MEGF11: variants seen among roughly 807,000 people sequenced by gnomAD.
MEGF11 encodes the protein multiple epidermal growth factor-like domains protein 11.
MEGF11 carries 126 observed loss-of-function variants against 146.6 expected under a neutral mutation model. That is an observed-to-expected ratio of 0.86 (90% confidence interval 0.74 to 1.00). MEGF11 has a LOEUF of 1.00. MEGF11 is among the 50% of genes least tolerant of loss of function. The pLI is 0.00. For missense variants in MEGF11, 1,509 were observed against 1,521.2 expected, an observed-to-expected ratio of 0.99 and a Z score of 0.13; for synonymous variants, 532 against 583.4, an observed-to-expected ratio of 0.91 and a Z score of 1.27.
intron 24 of MEGF11, chr15:65,905,466 A>C (rs114395532): frequency 6.6e-6 from 1 of 152,138 alleles, no homozygotes; most frequent in Non-Finnish European, 1.5e-5. Flanking sequence ...AAAGCCCCCT[A>C]TTTCACACAT....
chr15:66,124,607 G>A lies in MEGF11; in HGVS notation c.99-607C>T, dbSNP rs571775397. Among the ~76,000 whole-genome samples, 6 of 152,252 alleles carry A rather than the reference G, an allele frequency of 3.9e-5. No individual in the cohort carries two copies. In the South Asian group the frequency reaches 1.2e-3, roughly 32 times the overall value. On this transcript the variant is annotated intron_variant, in intron 2 of 25. Coordinates refer to ENST00000395614, the MANE Select transcript of MEGF11 (RefSeq NM_001385028.1). ...TACAGACCAGGAAACTGAGCATCAG[G>A]GGGCATAAGTGGCTTCCACAAGCTC... is the stretch of plus-strand genomic sequence containing the variant.
Position 66,038,111 on chromosome 15 carries a change from C to T in MEGF11, c.395-55623G>A, listed in dbSNP as rs184888205. Among the ~76,000 whole-genome samples, 451 of 152,274 alleles carry T rather than the reference C, an allele frequency of 3.0e-3. 3 individuals are homozygous for T. The highest frequency in any genetic ancestry group is 0.01 in the African/African-American group (435 of 41,538). ...GCAGAAAAGGAGACAAGCCCAGAAC[C>T]AGGGAGAGCAAAGAGAAGAGTAATT... On this transcript the variant is annotated intron_variant, in intron 5 of 25. Coordinates refer to ENST00000395614, the MANE Select transcript of MEGF11 (RefSeq NM_001385028.1).
chr15:66,241,837 A>G (rs2092216629), intron 1 of MEGF11, among the ~76,000 whole-genome samples: 1 of 151,538 alleles, frequency 6.6e-6, no homozygotes, highest in African/African-American at 2.4e-5. Flanking sequence ...AAGCACAAAG[A>G]CATATACAGA....
chr15:66,165,798 C>T (rs2090081941), intron 1 of MEGF11, among the ~76,000 whole-genome samples: 1 of 152,206 alleles, frequency 6.6e-6, no homozygotes, highest in African/African-American at 2.4e-5. Context: ...GGCAGGGTCT[C>T]CCTCCGTCCC....
At chr15:66,054,201 T>C (rs924657543) in intron 5 of MEGF11, among the ~76,000 whole-genome samples, 1 of 152,186 alleles carries the variant, frequency 6.6e-6, no homozygotes, top group Non-Finnish European at 1.5e-5. Context: ...CCTGGTTGCG[T>C]TGATGCAGCA....
chr15:66,011,489 A>G (rs1851706073), intron 5 of MEGF11, among the ~76,000 whole-genome samples: 3 of 152,160 alleles, frequency 2.0e-5, no homozygotes, highest in African/African-American at 2.4e-5. Flanking sequence ...CAGAGGCAGA[A>G]CAACCTCGGA....
chr15:66,205,756 T>G (rs2091284021), intron 1 of MEGF11, among the ~76,000 whole-genome samples: 1 of 152,184 alleles, frequency 6.6e-6, no homozygotes. Context: ...GAATCTAGAT[T>G]TCTACATCTA....
At chr15:65,983,257 G>A (rs2081726348) in intron 5 of MEGF11, among the ~76,000 whole-genome samples, 1 of 152,140 alleles carries the variant, frequency 6.6e-6, no homozygotes, top group Non-Finnish European at 1.5e-5. Flanking sequence ...CAGCCTTCAA[G>A]ATCTTTACAT....
chr15:66,179,453 C>A (rs1429808316), intron 1 of MEGF11, among the ~76,000 whole-genome samples: 1 of 152,140 alleles, frequency 6.6e-6, no homozygotes, highest in African/African-American at 2.4e-5. Context: ...GATTCTGGAA[C>A]TTCTACCACA....
intron 11 of MEGF11, 108 bp downstream of exon 11, chr15:65,930,715 G>T: frequency 2.9e-6 from 4 of 1,370,754 alleles, no homozygotes; most frequent in Admixed American, 5.0e-5. Flanking sequence ...GACCTTGCAT[G>T]TGGGGGCGGG....
At chr15:65,924,447 A>G (rs183781120) in intron 13 of MEGF11, among the ~76,000 whole-genome samples, 285 of 151,734 alleles carry the variant, frequency 1.9e-3, no homozygotes, top group African/African-American at 6.5e-3. Flanking sequence ...TTACCCATTG[A>G]CAGGGGTCTC....
intron 5 of MEGF11, among the ~76,000 whole-genome samples, chr15:66,057,600 C>G (rs2084732644): frequency 6.6e-6 from 1 of 151,772 alleles, no homozygotes; most frequent in South Asian, 2.1e-4. Flanking sequence ...CATGTTCTGG[C>G]TAAAAGTGAT....
intron 1 of MEGF11, among the ~76,000 whole-genome samples, chr15:66,226,754 G>C (rs75787198): frequency 0.012 from 1,756 of 152,150 alleles, 31 homozygotes; most frequent in African/African-American, 0.04. Context: ...GGGGGGCTTG[G>C]AACATGTCCT....
chr15:66,243,358 C>G (rs559464362), intron 1 of MEGF11, among the ~76,000 whole-genome samples: 4 of 152,240 alleles, frequency 2.6e-5, no homozygotes, highest in Non-Finnish European at 5.9e-5. Flanking sequence ...GGGCCCTGAC[C>G]GGGGAGGCAG....
chr15:66,039,099 G>A (rs2083844335), intron 5 of MEGF11, among the ~76,000 whole-genome samples: 1 of 152,176 alleles, frequency 6.6e-6, no homozygotes, highest in Admixed American at 6.5e-5. Flanking sequence ...TGATAAATGG[G>A]TCCATTTTCT....
At chr15:66,144,307 C>A (rs925032194) in intron 1 of MEGF11, among the ~76,000 whole-genome samples, 1 of 152,100 alleles carries the variant, frequency 6.6e-6, no homozygotes, top group African/African-American at 2.4e-5. Flanking sequence ...GATGGAGAAC[C>A]ACCCACCAGG....
chr15:66,234,569 C>T (rs1182754816), intron 1 of MEGF11, among the ~76,000 whole-genome samples: 1 of 152,184 alleles, frequency 6.6e-6, no homozygotes, highest in Non-Finnish European at 1.5e-5. Context: ...ACATGGAAGA[C>T]ACAGGCCAGG....
At chr15:65,961,989 GAGA>G (rs1370034408) in intron 9 of MEGF11, among the ~76,000 whole-genome samples, 1 of 152,168 alleles carries the variant, frequency 6.6e-6, no homozygotes. Context: ...GCATAGAGAG[GAGA>G]AGAAGGACGT....
chr15:65,931,245 G>A (rs1426135254), intron 10 of MEGF11, among the ~76,000 whole-genome samples: 2 of 152,290 alleles, frequency 1.3e-5, no homozygotes, highest in African/African-American at 2.4e-5. Context: ...CCCTCCACCC[G>A]CTTGTGCTGA....
Sources: allele counts gnomAD v4.1 joint callset (sites outside exome capture counted in the v4.1 genomes callset), GRCh38; gene constraint gnomAD v4.1.1; transcripts MANE v1.5; gene names NCBI Gene and HGNC (gene_info 2026-07-23, HGNC 2026-07-21).